SAMD5: variants seen among roughly 807,000 people sequenced by gnomAD.
SAMD5 encodes sterile alpha motif domain containing 5, also known as sterile alpha motif domain-containing protein 5.
SAMD5 carries 13 observed loss-of-function variants against 11.3 expected under a neutral mutation model. The observed-to-expected ratio is 1.15, with a 90% CI of 0.75 to 1.83. The LOEUF is 1.83. SAMD5 is among the 40% of genes most tolerant of loss of function. The pLI is 0.00. For synonymous variants in SAMD5, 129 were observed against 111.3 expected (o/e 1.16, Z -1.00); for missense variants, 255 against 239.1 (o/e 1.07, Z -0.44).
At chr6:147,953,147 G>C in the SAMD5 span, among the ~76,000 whole-genome samples, 3 of 152,088 alleles carry the variant, frequency 2.0e-5, no homozygotes, top group South Asian at 2.1e-4. Context: ...AGTTTACTTT[G>C]TCAATAATCC....
chr6:147,751,992 T>C, the SAMD5 span, among the ~76,000 whole-genome samples: 1 of 152,170 alleles, frequency 6.6e-6, no homozygotes, highest in South Asian at 2.1e-4. Context: ...TATATCTCAT[T>C]GTAGCATTCT....
At chr6:147,786,405 T>A in the SAMD5 span, among the ~76,000 whole-genome samples, 1 of 152,346 alleles carries the variant, frequency 6.6e-6, no homozygotes, top group Non-Finnish European at 1.5e-5. Context: ...CAGTCTAATT[T>A]ATTCATCTGG....
chr6:147,805,823 C>A, the SAMD5 span, among the ~76,000 whole-genome samples: 87 of 152,156 alleles, frequency 5.7e-4, no homozygotes, highest in African/African-American at 2.0e-3. Flanking sequence ...GGGGCACTCA[C>A]AATTCACTGA....
the SAMD5 span, among the ~76,000 whole-genome samples, chr6:147,847,740 C>G: frequency 1.3e-5 from 2 of 152,222 alleles, no homozygotes; most frequent in East Asian, 1.9e-4. Context: ...GAAATTTCAA[C>G]TACTTGGGAG....
the SAMD5 span, among the ~76,000 whole-genome samples, chr6:147,816,301 A>AAAAAATATATAT: frequency 1.3e-3 from 86 of 66,324 alleles, 1 homozygote; most frequent in African/African-American, 4.7e-3. Context: ...AAAAAAAAAA[A>AAAAAATATATAT]ATATATATAT....
intron 1 of SAMD5, among the ~76,000 whole-genome samples, chr6:147,602,284 G>C (rs1283390220): frequency 1.3e-5 from 2 of 152,162 alleles, no homozygotes; most frequent in Admixed American, 6.5e-5. Flanking sequence ...ACTGGAAGGG[G>C]TAACAGTGCT....
intron 1 of SAMD5, among the ~76,000 whole-genome samples, chr6:147,521,602 T>C: frequency 6.6e-6 from 1 of 152,110 alleles, no homozygotes; most frequent in East Asian, 1.9e-4. Context: ...GCCTCATCTA[T>C]AAAATGGATG....
At chr6:147,671,177 A>T (rs1371361449) in intron 1 of SAMD5, among the ~76,000 whole-genome samples, 1 of 152,206 alleles carries the variant, frequency 6.6e-6, no homozygotes, top group Non-Finnish European at 1.5e-5. Flanking sequence ...ATTCACCATC[A>T]TGTGGGAGCA....
chr6:147,512,517 G>A (rs1259188719), intron 1 of SAMD5, among the ~76,000 whole-genome samples: 1 of 152,182 alleles, frequency 6.6e-6, no homozygotes, highest in African/African-American at 2.4e-5. Flanking sequence ...AAGTTATGCG[G>A]TTTAGGGATC....
the SAMD5 span, among the ~76,000 whole-genome samples, chr6:147,763,152 G>GT: frequency 6.6e-6 from 1 of 151,670 alleles, no homozygotes; most frequent in Admixed American, 6.6e-5. Flanking sequence ...TTTCATTGTG[G>GT]TTTTTTGTTT....
At chr6:147,835,248 A>C in the SAMD5 span, among the ~76,000 whole-genome samples, 2 of 148,804 alleles carry the variant, frequency 1.3e-5, no homozygotes. Context: ...AAAAAAAAAC[A>C]AAAAAAACAG....
intron 1 of SAMD5, among the ~76,000 whole-genome samples, chr6:147,589,507 G>T (rs1428176008): frequency 5.9e-5 from 9 of 152,096 alleles, no homozygotes; most frequent in Admixed American, 5.9e-4. Context: ...TCCCAGCTCA[G>T]CCATTTTCTG....
At chr6:147,908,080 A>T in the SAMD5 span, among the ~76,000 whole-genome samples, 1 of 152,164 alleles carries the variant, frequency 6.6e-6, no homozygotes, top group African/African-American at 2.4e-5. Context: ...AAATCTCCAC[A>T]GCCTCTATAA....
At chr6:147,727,117 C>A (rs1791639974) in intron 1 of SAMD5, among the ~76,000 whole-genome samples, 3 of 152,128 alleles carry the variant, frequency 2.0e-5, no homozygotes, top group Admixed American at 2.0e-4. Flanking sequence ...ATAACCTGTC[C>A]CCTGCCTACC....
At chr6:147,952,520 G>C in the SAMD5 span, among the ~76,000 whole-genome samples, 3 of 152,012 alleles carry the variant, frequency 2.0e-5, no homozygotes, top group Non-Finnish European at 4.4e-5. Context: ...TTGTTTGTTT[G>C]TTTGTTTCGA....
chr6:147,563,547 T>C (rs1788988375), intron 1 of SAMD5, among the ~76,000 whole-genome samples: 1 of 152,174 alleles, frequency 6.6e-6, no homozygotes, highest in African/African-American at 2.4e-5. Context: ...TTTCTTCCTC[T>C]TCTTTGTCCA....
intron 1 of SAMD5, among the ~76,000 whole-genome samples, chr6:147,722,061 A>T (rs914483771): frequency 6.6e-6 from 1 of 152,216 alleles, no homozygotes; most frequent in Non-Finnish European, 1.5e-5. Context: ...AATGCAGAAA[A>T]TTTATGCCAA....
chr6:147,914,052 T>A, the SAMD5 span, among the ~76,000 whole-genome samples: 1 of 152,148 alleles, frequency 6.6e-6, no homozygotes, highest in East Asian at 1.9e-4. Flanking sequence ...AGAGCAAACT[T>A]GTCCAACCTG....
At chr6:147,909,629 T>TC in the SAMD5 span, among the ~76,000 whole-genome samples, 2 of 73,168 alleles carry the variant, frequency 2.7e-5, no homozygotes, top group African/African-American at 1.7e-4. Context: ...TCTTTCTTTC[T>TC]TTCTCTTTCT....
Sources: allele counts gnomAD v4.1 joint callset (sites outside exome capture counted in the v4.1 genomes callset), GRCh38; gene constraint gnomAD v4.1.1; transcripts MANE v1.5; gene names NCBI Gene and HGNC (gene_info 2026-07-23, HGNC 2026-07-21).